The following NRG3 variants were observed in gnomAD, a reference collection of about 807,000 sequenced individuals.
NRG3 encodes pro-neuregulin-3, membrane-bound isoform.
NRG3 carries 31 observed loss-of-function variants against 66.9 expected under a neutral mutation model. The ratio of observed to expected loss-of-function variants is 0.46; its 90% confidence interval spans 0.35 to 0.63. NRG3 has a LOEUF of 0.63. NRG3 is among the 20% of genes least tolerant of loss of function. The pLI, the probability that NRG3 is intolerant of heterozygous loss-of-function variation, is 0.00. For synonymous variants in NRG3, 393 were observed against 359.4 expected, an observed-to-expected ratio of 1.09 and a Z score of -1.06; for missense variants, 910 against 878.9, an observed-to-expected ratio of 1.04 and a Z score of -0.45.
intron 2 of NRG3, among the ~76,000 whole-genome samples, chr10:82,367,947 A>G (rs955095964): frequency 3.3e-5 from 5 of 152,068 alleles, no homozygotes; most frequent in Non-Finnish European, 7.4e-5. Flanking sequence ...AGGATGCAAT[A>G]AGCCGAGATC....
chr10:82,254,125 C>A (rs190428070), intron 1 of NRG3, among the ~76,000 whole-genome samples: 1 of 152,252 alleles, frequency 6.6e-6, no homozygotes, highest in Non-Finnish European at 1.5e-5. Context: ...AAGGACCAAC[C>A]ATTTTTAGAA....
intron 1 of NRG3, among the ~76,000 whole-genome samples, chr10:82,329,402 G>A (rs1035441406): frequency 8.4e-6 from 1 of 118,508 alleles, no homozygotes; most frequent in Admixed American, 8.0e-5. Flanking sequence ...AAGTTTTTTT[G>A]TTTTGTTGTT....
At chr10:82,268,189 G>A (rs370503830) in intron 1 of NRG3, among the ~76,000 whole-genome samples, 1 of 152,254 alleles carries the variant, frequency 6.6e-6, no homozygotes, top group African/African-American at 2.4e-5. Flanking sequence ...AATCTCTGTA[G>A]TAGTGCCTAT....
At position 82,232,682 on chromosome 10, in the gene NRG3, T is replaced by TGGGGCTACAAGAGGA. The variant is rs2076542677; in HGVS notation, c.824-126055_824-126041dup. The TGGGGCTACAAGAGGA allele has an allele frequency of 1.3e-5, 9 of 707,768 alleles. No homozygotes were observed. In the South Asian group the frequency reaches 1.4e-4, roughly 11 times the overall value. 43.8% of individuals were successfully genotyped at this position (707,768 alleles called of 1,614,324 possible). ...TACATTTATGAGACAATCGGCCAGA[T>TGGGGCTACAAGAGGA]GGGGCTACAAGAGGAGACACAGGAG... On this transcript the variant is annotated intron_variant, in intron 1 of 8. Transcript: ENST00000372141.
chr10:82,255,734 C>G (rs1166506287), intron 1 of NRG3, among the ~76,000 whole-genome samples: 7 of 152,040 alleles, frequency 4.6e-5, no homozygotes, highest in African/African-American at 2.4e-5. Flanking sequence ...TCCCAAGTAG[C>G]TGGGATTACA....
chr10:82,810,341 G>T (rs1320392755), intron 3 of NRG3, among the ~76,000 whole-genome samples: 1 of 152,140 alleles, frequency 6.6e-6, no homozygotes, highest in East Asian at 1.9e-4. Flanking sequence ...TTTAGCAGTG[G>T]ATCTCCAATG....
chr10:82,788,954 A>G (rs1223511406), intron 3 of NRG3, among the ~76,000 whole-genome samples: 1 of 152,138 alleles, frequency 6.6e-6, no homozygotes, highest in African/African-American at 2.4e-5. Flanking sequence ...CATTTGGGTC[A>G]TTCTCAAATT....
chr10:82,568,092 TA>T (rs2045522932), intron 2 of NRG3, among the ~76,000 whole-genome samples: 2 of 151,982 alleles, frequency 1.3e-5, no homozygotes, highest in East Asian at 3.9e-4. Context: ...TATTATACAT[TA>T]AAACATCATG....
intron 1 of NRG3, among the ~76,000 whole-genome samples, chr10:82,252,812 C>G (rs1390805617): frequency 6.6e-6 from 1 of 152,152 alleles, no homozygotes; most frequent in Non-Finnish European, 1.5e-5. Flanking sequence ...AATAATGCCT[C>G]TGGCTCCAGC....
Position 82,386,536 on chromosome 10 carries a change from C to T in NRG3, c.953+27668C>T, listed in dbSNP as rs569780690. ...AGTCTTCATAGAAACATTTTCAACT[C>T]TTCTCTTCTTATTCCTTTCTCATTT... On this transcript the variant is annotated intron_variant, in intron 2 of 8. Transcript: ENST00000372141. Among the ~76,000 whole-genome samples, 6 of 152,264 alleles carry T rather than the reference C, an allele frequency of 3.9e-5. No homozygotes were observed. The South Asian group carries it at 1.2e-3, about 32-fold the overall frequency.
At chr10:82,549,490 G>C (rs748746765) in intron 2 of NRG3, among the ~76,000 whole-genome samples, 4 of 152,136 alleles carry the variant, frequency 2.6e-5, no homozygotes, top group Non-Finnish European at 4.4e-5. Flanking sequence ...GTTTTATGCA[G>C]AAAATGCCAG....
intron 3 of NRG3, among the ~76,000 whole-genome samples, chr10:82,739,820 T>G (rs1324242876): frequency 6.6e-6 from 1 of 152,184 alleles, no homozygotes; most frequent in Non-Finnish European, 1.5e-5. Context: ...CACAGTTCTC[T>G]GGGAATTACC....
chr10:82,827,474 C>T (rs924828477), intron 3 of NRG3, among the ~76,000 whole-genome samples: 2 of 152,060 alleles, frequency 1.3e-5, no homozygotes, highest in African/African-American at 4.8e-5. Context: ...CCTTTGGCTC[C>T]ATTCAGAGGA....
At chr10:82,390,728 C>A (rs115719736) in intron 2 of NRG3, among the ~76,000 whole-genome samples, 2 of 152,104 alleles carry the variant, frequency 1.3e-5, no homozygotes, top group Non-Finnish European at 2.9e-5. Flanking sequence ...AAGAGGAATT[C>A]ATCTACTTCT....
chr10:82,431,624 A>G (rs1015453287), intron 2 of NRG3, among the ~76,000 whole-genome samples: 2 of 152,154 alleles, frequency 1.3e-5, no homozygotes, highest in African/African-American at 4.8e-5. Flanking sequence ...CAAGTCTACA[A>G]CTGCCTTGAT....
At chr10:82,386,043 A>G (rs1286770725) in intron 2 of NRG3, among the ~76,000 whole-genome samples, 1 of 152,102 alleles carries the variant, frequency 6.6e-6, no homozygotes, top group Non-Finnish European at 1.5e-5. Context: ...CAGTGAAATC[A>G]CTTTTCCATG....
intron 1 of NRG3, among the ~76,000 whole-genome samples, chr10:81,944,366 TA>T (rs1351759201): frequency 7.2e-5 from 11 of 152,336 alleles, no homozygotes; most frequent in African/African-American, 2.6e-4. Context: ...AAGAGAGTTT[TA>T]AAAATTGCAT....
At chr10:82,081,765 G>T (rs749207088) in intron 1 of NRG3, among the ~76,000 whole-genome samples, 25 of 152,192 alleles carry the variant, frequency 1.6e-4, no homozygotes, top group Non-Finnish European at 3.2e-4. Context: ...CCATTTCTCC[G>T]CATGGTCTTG....
intron 1 of NRG3, among the ~76,000 whole-genome samples, chr10:81,989,165 A>G (rs545554548): frequency 1.4e-3 from 218 of 152,340 alleles, no homozygotes; most frequent in South Asian, 7.3e-3. Flanking sequence ...GGATATTGTC[A>G]TTAACTACAT....
Sources: gnomAD v4.1 joint callset for allele counts (sites outside exome capture counted in the v4.1 genomes callset) on GRCh38, gnomAD v4.1.1 for gene constraint, MANE v1.5 for transcripts, NCBI Gene and HGNC (gene_info 2026-07-23, HGNC 2026-07-21) for gene names.